The following PRKCB variants were observed in gnomAD, a reference collection of about 807,000 sequenced individuals.
PRKCB encodes the protein protein kinase C beta.
In PRKCB, 13 loss-of-function variants were observed where a neutral mutation model predicts 81.5. That is an observed-to-expected ratio of 0.16 (90% CI 0.10 to 0.25). The LOEUF (loss-of-function observed/expected upper bound fraction) is 0.25, where lower values mean the gene tolerates loss of function less well. Ranked by LOEUF, PRKCB falls within the 10% of genes least tolerant of loss-of-function variation. The probability of loss-of-function intolerance (pLI) is 1.00; values close to 1 mark genes in which losing one functional copy is unlikely to be tolerated. For missense variants in PRKCB, 509 were observed against 875.7 expected (o/e 0.58, Z 5.29); for synonymous variants, 335 against 321.4 (o/e 1.04, Z -0.45).
At chr16:23,998,942 G>A (rs1330408242) in intron 3 of PRKCB, among the ~76,000 whole-genome samples, 1 of 152,196 alleles carries the variant, frequency 6.6e-6, no homozygotes, top group Non-Finnish European at 1.5e-5. Flanking sequence ...GAGGAGAGCA[G>A]GAAGTACTCC....
At chr16:23,912,031 C>T (rs890955203) in intron 2 of PRKCB, among the ~76,000 whole-genome samples, 3 of 151,496 alleles carry the variant, frequency 2.0e-5, no homozygotes, top group African/African-American at 7.3e-5. Context: ...GGAGTTTTGC[C>T]ATGTTAGCCA....
At chr16:24,191,734 G>C (rs1967797018) in intron 16 of PRKCB, 1 of 152,614 alleles carries the variant, frequency 6.6e-6, no homozygotes, top group African/African-American at 2.4e-5. Flanking sequence ...CCCACCCAAG[G>C]CAAAACAGAG....
At chr16:23,976,215 A>C (rs1964623278) in intron 2 of PRKCB, among the ~76,000 whole-genome samples, 1 of 152,032 alleles carries the variant, frequency 6.6e-6, no homozygotes. Flanking sequence ...TGGGAGTTGC[A>C]TGAATCCAGG....
At chr16:24,052,152 T>G (rs1359579718) in intron 5 of PRKCB, among the ~76,000 whole-genome samples, 1 of 151,768 alleles carries the variant, frequency 6.6e-6, no homozygotes, top group Non-Finnish European at 1.5e-5. Context: ...AGGATAGGCA[T>G]AGTTAAAAAT....
At chr16:24,208,760 T>C (rs748069642) in intron 16 of PRKCB, among the ~76,000 whole-genome samples, 11 of 152,200 alleles carry the variant, frequency 7.2e-5, no homozygotes, top group Non-Finnish European at 1.5e-4. Flanking sequence ...TGATCTGGGC[T>C]GTGTCTCCCA....
intron 3 of PRKCB, among the ~76,000 whole-genome samples, chr16:23,998,009 T>G (rs565348178): frequency 4.6e-5 from 7 of 152,186 alleles, no homozygotes; most frequent in Non-Finnish European, 7.3e-5. Flanking sequence ...TTTCAAGAAA[T>G]TATCATTTGA....
chr16:24,192,652 A>G (rs952709216), intron 16 of PRKCB, among the ~76,000 whole-genome samples: 2 of 152,182 alleles, frequency 1.3e-5, no homozygotes, highest in African/African-American at 4.8e-5. Flanking sequence ...TCTGGGGGTC[A>G]TGTTATAGCT....
chr16:23,921,414 C>G (rs1175818933), intron 2 of PRKCB, among the ~76,000 whole-genome samples: 2 of 152,150 alleles, frequency 1.3e-5, no homozygotes, highest in Admixed American at 6.5e-5. Context: ...GGACTTAGTG[C>G]TTGTCCTTGA....
chr16:24,122,886 A>C (rs1318788589), intron 8 of PRKCB, among the ~76,000 whole-genome samples: 1 of 151,892 alleles, frequency 6.6e-6, no homozygotes, highest in Non-Finnish European at 1.5e-5. Flanking sequence ...ACCTGCTGCC[A>C]CTCTGAGCCC....
intron 2 of PRKCB, among the ~76,000 whole-genome samples, chr16:23,984,609 G>GA (rs1415733152): frequency 2.0e-5 from 3 of 151,468 alleles, no homozygotes; most frequent in Non-Finnish European, 2.9e-5. Flanking sequence ...CAAACTTCTG[G>GA]AAAAAAAATA....
intron 5 of PRKCB, among the ~76,000 whole-genome samples, chr16:24,054,333 T>C (rs1965879524): frequency 6.6e-6 from 1 of 152,236 alleles, no homozygotes; most frequent in Admixed American, 6.5e-5. Context: ...AGGCAATATC[T>C]CTTAACTTTG....
intron 9 of PRKCB, among the ~76,000 whole-genome samples, chr16:24,129,682 A>G (rs181980068): frequency 6.6e-6 from 1 of 150,836 alleles, no homozygotes; most frequent in East Asian, 1.9e-4. Flanking sequence ...TTATCTGTCT[A>G]TCTTATTATC....
intron 15 of PRKCB, among the ~76,000 whole-genome samples, chr16:24,189,832 C>T (rs1967762892): frequency 1.3e-5 from 2 of 152,114 alleles, no homozygotes; most frequent in African/African-American, 4.8e-5. Flanking sequence ...TTCATTCCTT[C>T]CCCATCATCA....
At chr16:24,001,681 C>A (rs141187671) in intron 3 of PRKCB, among the ~76,000 whole-genome samples, 1 of 151,676 alleles carries the variant, frequency 6.6e-6, no homozygotes, top group Non-Finnish European at 1.5e-5. Flanking sequence ...TCGTAAAACC[C>A]CAGACAAATA....
chr16:23,883,498 G>A (rs1203932527), intron 2 of PRKCB, among the ~76,000 whole-genome samples: 1 of 152,146 alleles, frequency 6.6e-6, no homozygotes, highest in African/African-American at 2.4e-5. Flanking sequence ...GAGAGTTTTA[G>A]GTAGGCGAGA....
At chr16:24,079,858 A>C (rs1167106303) in intron 5 of PRKCB, among the ~76,000 whole-genome samples, 1 of 152,226 alleles carries the variant, frequency 6.6e-6, no homozygotes, top group East Asian at 1.9e-4. Flanking sequence ...AGCATAATGA[A>C]GGCTGTTGGT....
intron 9 of PRKCB, among the ~76,000 whole-genome samples, chr16:24,146,025 A>G (rs567229967): frequency 6.6e-6 from 1 of 152,328 alleles, no homozygotes; most frequent in Admixed American, 6.5e-5. Context: ...GAAGAGGGAT[A>G]TTTGGATACC....
intron 2 of PRKCB, among the ~76,000 whole-genome samples, chr16:23,881,897 A>G (rs986175047): frequency 1.3e-5 from 2 of 151,770 alleles, no homozygotes; most frequent in Non-Finnish European, 2.9e-5. Flanking sequence ...GCTATTTTAG[A>G]TGCCTCATGT....
intron 5 of PRKCB, among the ~76,000 whole-genome samples, chr16:24,050,493 TGCACAAACAA>T (rs1237650611): frequency 6.8e-6 from 1 of 147,128 alleles, no homozygotes; most frequent in South Asian, 2.1e-4. Flanking sequence ...ACACACACAC[TGCACAAACAA>T]GCACAAACTC....
Sources: allele counts gnomAD v4.1 joint callset (sites outside exome capture counted in the v4.1 genomes callset), GRCh38; gene constraint gnomAD v4.1.1; transcripts MANE v1.5; gene names NCBI Gene and HGNC (gene_info 2026-07-23, HGNC 2026-07-21).